MAML1: variants seen among roughly 807,000 people sequenced by gnomAD.
MAML1 encodes the protein mastermind-like protein 1.
In MAML1, 14 loss-of-function variants were observed where a neutral mutation model predicts 77.1. The observed-to-expected ratio is 0.18, with a 90% CI of 0.12 to 0.28. The LOEUF (loss-of-function observed/expected upper bound fraction) is 0.28. MAML1 is among the 10% of genes least tolerant of loss of function. The probability of loss-of-function intolerance (pLI) is 1.00; values close to 1 mark genes in which losing one functional copy is unlikely to be tolerated. For synonymous variants in MAML1, 516 were observed against 551.9 expected, an observed-to-expected ratio of 0.93 and a Z score of 0.91; for missense variants, 1,217 against 1,327.8, an observed-to-expected ratio of 0.92 and a Z score of 1.30.
At chr5:179,741,459 C>T (rs773598073) in intron 1 of MAML1, among the ~76,000 whole-genome samples, 5 of 151,974 alleles carry the variant, frequency 3.3e-5, no homozygotes, top group Non-Finnish European at 5.9e-5. Context: ...CTGAGGTGGG[C>T]GGATCACTTG....
chr5:179,775,646 C>A lies in MAML1; in HGVS notation c.*769C>A. 1 of 985,438 alleles carries A rather than the reference C, an allele frequency of 1.0e-6. No individual in the cohort carries two copies. Among genetic ancestry groups the A allele is most frequent in the East Asian group, 1.1e-4 (1 of 8,816 alleles). The allele number at this position is 985,438 out of a possible 1,614,324, so 61.0% of individuals were successfully genotyped here. A position where few individuals can be genotyped will look rare whatever the true frequency, so the allele number is the denominator to read the frequency against. ...TTCCTCCCATGTCCTGGCAGCAGGA[C>A]CCCAGGCTACATATGGAAGGTAGAG... On this transcript the variant is annotated 3_prime_UTR_variant, in exon 5 of 5. Transcript: ENST00000292599.
chr5:179,771,567 T>C lies in MAML1; in HGVS notation c.2068+324T>C, dbSNP rs1251681448. Reference sequence around the variant, plus strand: ...TCTCAAGAAAGTTCTTTGCTTCTGCTTTTATGTGTCTTCAAAAAATGACTC... The same window carrying C: ...TCTCAAGAAAGTTCTTTGCTTCTGCCTTTATGTGTCTTCAAAAAATGACTC... On this transcript the variant is annotated intron_variant, in intron 4 of 4. Coordinates refer to ENST00000292599, the MANE Select transcript of MAML1 (RefSeq NM_014757.5). The surrounding 1 kb of genome is among the most constrained non-coding windows in gnomAD (Gnocchi z 4.7). Among the ~76,000 whole-genome samples the C allele has an allele frequency of 1.3e-5, 2 of 152,244 alleles. 1 individual carries two copies. Among genetic ancestry groups the C allele is most frequent in the Admixed American group, 1.3e-4 (2 of 15,288 alleles).
At chr5:179,748,364 G>C (rs545914971) in intron 1 of MAML1, among the ~76,000 whole-genome samples, 41 of 152,132 alleles carry the variant, frequency 2.7e-4, no homozygotes, top group African/African-American at 7.5e-4. Flanking sequence ...TTACAGCCAT[G>C]AGCCACTGCA....
intron 1 of MAML1, among the ~76,000 whole-genome samples, chr5:179,754,465 A>G (rs1488402902): frequency 2.0e-5 from 3 of 151,944 alleles, no homozygotes; most frequent in Non-Finnish European, 2.9e-5. Context: ...ATGGTGGCGC[A>G]TGCCTGTAGT....
At chr5:179,772,403 T>C (rs985914289) in intron 4 of MAML1, among the ~76,000 whole-genome samples, 25 of 152,220 alleles carry the variant, frequency 1.6e-4, no homozygotes, top group Admixed American at 1.1e-3. Flanking sequence ...AGGTGTGAGC[T>C]ACCGTGCCCG....
chr5:179,744,808 T>C (rs546152226), intron 1 of MAML1, among the ~76,000 whole-genome samples: 103 of 152,302 alleles, frequency 6.8e-4, no homozygotes, highest in Non-Finnish European at 8.1e-4. Context: ...TGCAGAATAA[T>C]AGATGTAGCA....
chr5:179,775,175 A>G lies in MAML1; in HGVS notation c.*298A>G. ...CCAAACGACCAAAAAACCAACAGTA[A>G]CACCAGTGAAACCCCACACTGTCGG... On this transcript the variant is annotated 3_prime_UTR_variant, in exon 5 of 5. Transcript: ENST00000292599. 1 of 1,117,172 alleles carries G rather than the reference A, an allele frequency of 9.0e-7. No individual in the cohort carries two copies. The highest frequency in any genetic ancestry group is 3.8e-4 in the Middle Eastern group (1 of 2,604). 69.2% of individuals were successfully genotyped at this position (1,117,172 alleles called of 1,614,324 possible). A position where few individuals can be genotyped will look rare whatever the true frequency, so the allele number is the denominator to read the frequency against.
intron 1 of MAML1, among the ~76,000 whole-genome samples, chr5:179,750,463 ATTT>A (rs11419551): frequency 6.6e-6 from 1 of 151,776 alleles, no homozygotes; most frequent in African/African-American, 2.4e-5. Flanking sequence ...CTCTCAATAG[ATTT>A]TTTTGTTTTT....
intron 2 of MAML1, among the ~76,000 whole-genome samples, chr5:179,768,364 G>A (rs1779860051): frequency 6.6e-6 from 1 of 152,238 alleles, no homozygotes; most frequent in African/African-American, 2.4e-5. Flanking sequence ...GGCTGAGGCA[G>A]GGGAATCGCT....
chr5:179,737,261 GTC>G (rs1375083779), intron 1 of MAML1, among the ~76,000 whole-genome samples: 1 of 152,096 alleles, frequency 6.6e-6, no homozygotes, highest in African/African-American at 2.4e-5. Context: ...GCTTTTCTGT[GTC>G]TCTGCTAGGA....
chr5:179,752,340 A>AT lies in MAML1; in HGVS notation c.316-12986_316-12985insT, dbSNP rs1413175645. 7.5e-4 allele frequency among the ~76,000 whole-genome samples: 40 copies of AT among 53,484 alleles called. 1 individual carries two copies. Among genetic ancestry groups the AT allele is most frequent in the South Asian group, 1.7e-3 (2 of 1,196 alleles). 35.1% of individuals were successfully genotyped at this position (53,484 alleles called of 152,430 possible). On this transcript the variant is annotated intron_variant, in intron 1 of 4. Coordinates refer to ENST00000292599, the MANE Select transcript of MAML1 (RefSeq NM_014757.5). The stretch of plus-strand genomic sequence containing the variant: ...ACTCTGTCTCCAAAAAAAAAAAAAA[A>AT]AAAAAAAAAAATATATATATATATA...
intron 1 of MAML1, among the ~76,000 whole-genome samples, chr5:179,745,576 C>T (rs994854489): frequency 2.0e-5 from 3 of 148,964 alleles, no homozygotes; most frequent in Admixed American, 2.0e-4. Context: ...ATTAGCCGGG[C>T]GTGGTCAGGT....
intron 1 of MAML1, among the ~76,000 whole-genome samples, chr5:179,734,115 C>A (rs1000437488): frequency 3.3e-5 from 5 of 152,122 alleles, no homozygotes. Context: ...CCTTTGGGCT[C>A]TCAGTAAATG....
At chr5:179,753,793 C>A (rs946578954) in intron 1 of MAML1, among the ~76,000 whole-genome samples, 2 of 151,256 alleles carry the variant, frequency 1.3e-5, no homozygotes, top group Non-Finnish European at 2.9e-5. Context: ...TTCAGTCTCC[C>A]AAGTAGCTAG....
chr5:179,751,005 C>T (rs540518766), intron 1 of MAML1, among the ~76,000 whole-genome samples: 33 of 152,122 alleles, frequency 2.2e-4, no homozygotes, highest in Admixed American at 2.0e-3. Context: ...ATCAGAATCT[C>T]GCTCTGTCAC....
intron 1 of MAML1, among the ~76,000 whole-genome samples, chr5:179,758,564 A>AT (rs941737545): frequency 3.3e-5 from 5 of 150,992 alleles, no homozygotes; most frequent in African/African-American, 7.3e-5. Flanking sequence ...CTAATTATTT[A>AT]TTTTTTTTAG....
chr5:179,773,832 C>G, intron 4 of MAML1, 63 bp from the exon 5 acceptor site: 2 of 1,539,614 alleles, frequency 1.3e-6, no homozygotes, highest in Non-Finnish European at 1.7e-6. Flanking sequence ...TGCTGCGGCT[C>G]GAGTCTCAGA....
chr5:179,753,560 G>A (rs1455335489), intron 1 of MAML1, among the ~76,000 whole-genome samples: 11 of 151,622 alleles, frequency 7.3e-5, no homozygotes, highest in South Asian at 2.1e-4. Context: ...TTGATGCCTC[G>A]AAGAAAGCGA....
At chr5:179,745,071 T>C (rs28439165) in intron 1 of MAML1, among the ~76,000 whole-genome samples, 2 of 151,798 alleles carry the variant, frequency 1.3e-5, no homozygotes, top group Non-Finnish European at 2.9e-5. Flanking sequence ...CCAGCTAATT[T>C]TGTTTTTGTA....
Sources: allele counts gnomAD v4.1 joint callset (sites outside exome capture counted in the v4.1 genomes callset), GRCh38; gene constraint gnomAD v4.1.1; non-coding constraint Gnocchi (gnomAD v3.1); transcripts MANE v1.5; gene names NCBI Gene and HGNC (gene_info 2026-07-23, HGNC 2026-07-21).